The following SRP19 variants were observed in gnomAD, a reference collection of about 807,000 sequenced individuals.
The protein encoded by SRP19 is signal recognition particle 19 kDa protein.
In SRP19, 11 loss-of-function variants were observed where a neutral mutation model predicts 22.4. The ratio of observed to expected loss-of-function variants is 0.49; its 90% CI spans 0.31 to 0.81. SRP19 has a LOEUF of 0.81. SRP19 is among the 40% of genes least tolerant of loss of function. SRP19 has a pLI of 0.05. For missense variants in SRP19, 168 were observed against 175.9 expected (o/e 0.96, Z 0.25); for synonymous variants, 61 against 57.6 (o/e 1.06, Z -0.27).
chr5:112,864,326 G>T, intron 2 of SRP19, 131 bp from the exon 3 acceptor site: 1 of 722,160 alleles, frequency 1.4e-6, no homozygotes, highest in East Asian at 2.6e-5. Flanking sequence ...AGAAGCATCT[G>T]TACTTAATGA....
chr5:112,861,447 A>C, intron 1 of SRP19, 30 bp downstream of exon 1: 1 of 1,609,930 alleles, frequency 6.2e-7, no homozygotes, highest in Non-Finnish European at 8.5e-7. Context: ...GTCCTCCGAA[A>C]GGAAGGGGCT....
Position 112,892,277 on chromosome 5 carries a change from C to A in SRP19, c.*670C>A, listed in dbSNP as rs1768491801. 2.5e-6 allele frequency: 4 copies of A among 1,614,032 alleles called. No homozygotes were observed. The East Asian group carries it at 8.9e-5, about 36-fold the overall frequency. On this transcript the variant is annotated 3_prime_UTR_variant, in exon 5 of 5. Coordinates refer to the SRP19 transcript ENST00000391338. ...CTTCTTATTAAGAGCATGTTTACAA[C>A]GTTTGGAATGGAGCAGTGCAGGAGG... is the stretch of plus-strand genomic sequence containing the variant.
Position 112,892,886 on chromosome 5 carries a change from C to T in SRP19, c.*1279C>T, listed in dbSNP as rs188325118. The T allele has an allele frequency of 2.4e-5, 39 of 1,612,182 alleles. No homozygotes were observed. The East Asian group carries it at 8.0e-4, about 33-fold the overall frequency. ...AGGGGGAAGAAATCTCACAAACGCA[C>T]ATCAAAGAGTCGGGAGAGGCACAAT... On this transcript the variant is annotated 3_prime_UTR_variant, in exon 5 of 5. Coordinates refer to the SRP19 transcript ENST00000391338.
At chr5:112,875,655 G>A (rs1767877345) in intron 4 of SRP19, among the ~76,000 whole-genome samples, 1 of 152,056 alleles carries the variant, frequency 6.6e-6, no homozygotes, top group Non-Finnish European at 1.5e-5. Flanking sequence ...GGTCCGCTAG[G>A]CCAGAAGTGG....
chr5:112,863,254 T>G (rs1767473690), intron 2 of SRP19, among the ~76,000 whole-genome samples: 2 of 152,204 alleles, frequency 1.3e-5, no homozygotes, highest in Admixed American at 6.5e-5. Flanking sequence ...TTTCTGTAAA[T>G]GGAATTACAC....
chr5:112,878,959 C>T (rs954518878), intron 4 of SRP19: 39 of 1,456,368 alleles, frequency 2.7e-5, no homozygotes, highest in Admixed American at 1.3e-4. Context: ...TGTTCAGGTG[C>T]GATCATGTTG....
chr5:112,863,720 G>C (rs1408183921), intron 2 of SRP19, among the ~76,000 whole-genome samples: 1 of 151,964 alleles, frequency 6.6e-6, no homozygotes, highest in African/African-American at 2.4e-5. Flanking sequence ...GCTGGAGTGC[G>C]GCAGTGTAGT....
chr5:112,868,188 G>A lies in SRP19; in HGVS notation c.*651G>A, dbSNP rs917118476. 1.0e-6 allele frequency: 1 copy of A among 985,258 alleles called. No individual in the cohort carries two copies. Among genetic ancestry groups the A allele is most frequent in the Non-Finnish European group, 1.2e-6 (1 of 829,928 alleles). The allele number at this position is 985,258 out of a possible 1,614,324, so 61.0% of individuals were successfully genotyped here. Reference sequence around the variant, plus strand: ...TAGGTTTAAGAACATGATTTTCATGGGAGTTGTAAAATTAACTGTGCTTTA... The same window carrying A: ...TAGGTTTAAGAACATGATTTTCATGAGAGTTGTAAAATTAACTGTGCTTTA... On this transcript the variant is annotated 3_prime_UTR_variant, in exon 5 of 5. Coordinates refer to ENST00000505459, the MANE Select transcript of SRP19 (RefSeq NM_003135.3).
intron 4 of SRP19, among the ~76,000 whole-genome samples, chr5:112,880,802 G>A (rs1768050369): frequency 6.6e-6 from 1 of 152,176 alleles, no homozygotes; most frequent in African/African-American, 2.4e-5. Context: ...TAGGCTAAGG[G>A]AAGGGAGAAG....
At chr5:112,885,973 G>A (rs892059266) in intron 4 of SRP19, among the ~76,000 whole-genome samples, 2 of 152,170 alleles carry the variant, frequency 1.3e-5, no homozygotes, top group African/African-American at 4.8e-5. Flanking sequence ...CCTGTCTACT[G>A]GATGTTTACA....
chr5:112,892,977 G>A (rs752975056), exon 5 of SRP19: 83 of 1,588,420 alleles, frequency 5.2e-5, no homozygotes, highest in Non-Finnish European at 7.0e-5. Flanking sequence ...AGAGCCGCAG[G>A]AGCCACCGCA....
chr5:112,885,774 G>T (rs780244616), intron 4 of SRP19: 6 of 253,908 alleles, frequency 2.4e-5, no homozygotes, highest in Non-Finnish European at 8.3e-6. Context: ...TATATGCCAA[G>T]CCCGTAGTCT....
At chr5:112,897,350 A>AACACACACACAC (rs1768719555), downstream of SRP19, 6 of 129,446 alleles carry the variant, frequency 4.6e-5, no homozygotes, top group African/African-American at 1.3e-4. Flanking sequence ...AACACATCCC[A>AACACACACACAC]TCACACACAC....
At chr5:112,885,741 T>C in intron 4 of SRP19, 1 of 284,984 alleles carries the variant, frequency 3.5e-6, no homozygotes, top group Non-Finnish European at 7.4e-6. Context: ...AAGCTATTAA[T>C]GAACTAATTA....
chr5:112,894,591 G>A (rs1768621313), downstream of SRP19: 1 of 152,216 alleles, frequency 6.6e-6, no homozygotes, highest in Non-Finnish European at 1.5e-5. Context: ...AATATGCAGA[G>A]CATCACAGGG....
At chr5:112,889,269 A>G (rs1181850380) in intron 4 of SRP19, among the ~76,000 whole-genome samples, 3 of 150,898 alleles carry the variant, frequency 2.0e-5, no homozygotes, top group African/African-American at 4.9e-5. Context: ...CTATAGGACT[A>G]AATTTTTTAT....
In SRP19 at chr5:112,868,598, C is replaced by T. The variant is rs2150028230; in HGVS notation, c.*1061C>T. 1 of 162,852 alleles carries T rather than the reference C, an allele frequency of 6.1e-6. No individual in the cohort carries two copies. The highest frequency in any genetic ancestry group is 2.0e-4 in the South Asian group (1 of 5,008). The allele number at this position is 162,852 out of a possible 1,614,324, so 10.1% of individuals were successfully genotyped here. A position where few individuals can be genotyped will look rare whatever the true frequency, so the allele number is the denominator to read the frequency against. ...TATTTTTAGTAGAGACAGGGTTTTTCCATGTTGGTCAGGCTGGTCTCGAAC... is the reference window on the plus strand; with the variant it reads ...TATTTTTAGTAGAGACAGGGTTTTTTCATGTTGGTCAGGCTGGTCTCGAAC... On this transcript the variant is annotated 3_prime_UTR_variant, in exon 5 of 5. Transcript: ENST00000505459.
chr5:112,883,920 GC>G (rs1768151862), intron 4 of SRP19, among the ~76,000 whole-genome samples: 3 of 149,718 alleles, frequency 2.0e-5, no homozygotes, highest in African/African-American at 7.6e-5. Flanking sequence ...CAATCCATAA[GC>G]CAATCCATAA....
chr5:112,862,399 C>T (rs1289743059), intron 1 of SRP19, 109 bp from the exon 2 acceptor site: 8 of 876,126 alleles, frequency 9.1e-6, no homozygotes, highest in African/African-American at 1.7e-5. Context: ...AGGGAGTACC[C>T]ATCTGATATC....
Sources: gnomAD v4.1 joint callset for allele counts (sites outside exome capture counted in the v4.1 genomes callset) on GRCh38, gnomAD v4.1.1 for gene constraint, MANE v1.5 for transcripts, NCBI Gene and HGNC (gene_info 2026-07-23, HGNC 2026-07-21) for gene names.